Variants in PCDHA8 observed in about 807,000 individuals in gnomAD.
The protein encoded by PCDHA8 is protocadherin alpha 8, also known as protocadherin alpha-8.
In PCDHA8, 53 loss-of-function variants were observed where a neutral mutation model predicts 61.8. The ratio of observed to expected loss-of-function variants is 0.86; its 90% CI spans 0.69 to 1.08. The LOEUF (loss-of-function observed/expected upper bound fraction) is 1.08. Ranked by LOEUF, PCDHA8 falls within the 50% of genes least tolerant of loss-of-function variation. The probability of loss-of-function intolerance (pLI) is 0.00; values close to 1 mark genes in which losing one functional copy is unlikely to be tolerated. For missense variants in PCDHA8, 1,293 were observed against 1,245.0 expected, an observed-to-expected ratio of 1.04 and a Z score of -0.58; for synonymous variants, 618 against 556.6, an observed-to-expected ratio of 1.11 and a Z score of -1.55.
At chr5:140,975,849 A>G (rs1157741908) in intron 1 of PCDHA8, among the ~76,000 whole-genome samples, 1 of 152,208 alleles carries the variant, frequency 6.6e-6, no homozygotes, top group Non-Finnish European at 1.5e-5. Flanking sequence ...CAGTAATACT[A>G]CATCACCCAT....
rs1554144120 is a variant in PCDHA8, at chr5:140,850,272, A to G, written c.2394+6557A>G. 1.2e-5 allele frequency: 19 copies of G among 1,594,612 alleles called. 2 individuals carry two copies. The highest frequency in any genetic ancestry group is 7.7e-6 in the Non-Finnish European group (9 of 1,167,372). Reference sequence around the variant, plus strand: ...GGTGGGCGCCGGCGTAGTGGTGGGGAAGGTGCGCGCAGTGGACGCCGACTC... The same window carrying G: ...GGTGGGCGCCGGCGTAGTGGTGGGGGAGGTGCGCGCAGTGGACGCCGACTC... On this transcript the variant is annotated intron_variant, in intron 1 of 3. Transcript: ENST00000531613.
chr5:140,920,780 G>A lies in PCDHA8; in HGVS notation c.2395-58169G>A, dbSNP rs187594262. Among the ~76,000 whole-genome samples the A allele has an allele frequency of 7.9e-3, 1,202 of 151,454 alleles. 5 individuals carry two copies. Among genetic ancestry groups the A allele is most frequent in the African/African-American group, 0.019 (781 of 41,244 alleles). ...AATTGCTTACACCTGGGAGGTGGAG[G>A]TTGCAGGGAACCAAGATCACGCCAC... On this transcript the variant is annotated intron_variant, in intron 1 of 3. Transcript: ENST00000531613.
At chr5:140,875,264 C>CTACA in intron 1 of PCDHA8, 1 of 1,189,324 alleles carries the variant, frequency 8.4e-7, no homozygotes, top group Non-Finnish European at 1.1e-6. Context: ...TGATGTCGCT[C>CTACA]TACACTCAGA....
At chr5:140,953,546 T>G (rs2094902084) in intron 1 of PCDHA8, among the ~76,000 whole-genome samples, 1 of 152,136 alleles carries the variant, frequency 6.6e-6, no homozygotes, top group African/African-American at 2.4e-5. Context: ...ATGCTGATTC[T>G]TTTCTCCAAG....
chr5:140,855,092 T>A (rs2043336220), intron 1 of PCDHA8, among the ~76,000 whole-genome samples: 1 of 149,960 alleles, frequency 6.7e-6, no homozygotes, highest in Admixed American at 6.7e-5. Context: ...TCTCAGCCTG[T>A]GCAGTAGCAA....
chr5:140,894,675 A>G lies in PCDHA8; in HGVS notation c.2394+50960A>G, dbSNP rs78197412. Reference sequence around the variant, plus strand: ...CTAATTCTGATTTGTGTATTCTTGCATAGCTTTTCATTATTTTCTAAAAAT... The same window carrying G: ...CTAATTCTGATTTGTGTATTCTTGCGTAGCTTTTCATTATTTTCTAAAAAT... On this transcript the variant is annotated intron_variant, in intron 1 of 3. Coordinates refer to ENST00000531613, the MANE Select transcript of PCDHA8 (RefSeq NM_018911.3). 4.6e-3 allele frequency among the ~76,000 whole-genome samples: 702 copies of G among 151,998 alleles called. 3 individuals carry two copies. The highest frequency in any genetic ancestry group is 0.016 in the African/African-American group (679 of 41,480).
chr5:140,909,585 T>C (rs1554193854), intron 1 of PCDHA8, among the ~76,000 whole-genome samples: 1 of 152,180 alleles, frequency 6.6e-6, no homozygotes, highest in Non-Finnish European at 1.5e-5. Context: ...GATATGTTTT[T>C]TGATTTACTA....
intron 1 of PCDHA8, chr5:140,851,527 A>C (rs1335605014): frequency 2.2e-6 from 2 of 905,622 alleles, no homozygotes; most frequent in Middle Eastern, 5.6e-4. Context: ...AAAATGCCTG[A>C]CAATGTAGAT....
chr5:140,902,786 C>G (rs1450809375), intron 1 of PCDHA8, among the ~76,000 whole-genome samples: 1 of 151,906 alleles, frequency 6.6e-6, no homozygotes, highest in Non-Finnish European at 1.5e-5. Flanking sequence ...TAGCTTAGCT[C>G]TCACTTGTAT....
intron 1 of PCDHA8, among the ~76,000 whole-genome samples, chr5:140,918,569 G>T (rs374823656): frequency 3.9e-5 from 6 of 152,136 alleles, no homozygotes; most frequent in African/African-American, 1.4e-4. Context: ...TGTATATTAT[G>T]CTGCTATTGG....
In PCDHA8 at chr5:141,011,771, G is replaced by A. The variant is rs1327507093; in HGVS notation, c.*1834G>A. On this transcript the variant is annotated 3_prime_UTR_variant, in exon 4 of 4. Transcript: ENST00000531613. ...TCTGACCTCTTTGAAGTTGCAGAATGCTTTGAAATTCTAATGGTATCTGAA... is the reference window on the plus strand; with the variant it reads ...TCTGACCTCTTTGAAGTTGCAGAATACTTTGAAATTCTAATGGTATCTGAA... The A allele has an allele frequency of 1.3e-5, 2 of 153,698 alleles. No individual in the cohort carries two copies. The highest frequency in any genetic ancestry group is 4.8e-5 in the African/African-American group (2 of 41,424). The allele number at this position is 153,698 out of a possible 1,614,324, so 9.5% of individuals were successfully genotyped here.
intron 1 of PCDHA8, chr5:140,875,208 C>A: frequency 1.5e-6 from 1 of 668,546 alleles, no homozygotes; most frequent in Non-Finnish European, 2.2e-6. Flanking sequence ...GTGGCTAAAC[C>A]GAAAAGAACC....
chr5:140,954,920 G>A (rs1295412224), intron 1 of PCDHA8, among the ~76,000 whole-genome samples: 2 of 152,076 alleles, frequency 1.3e-5, no homozygotes, highest in East Asian at 3.9e-4. Context: ...TATGAATTAC[G>A]TCTTTAATTA....
At chr5:140,919,610 T>G (rs1173177727) in intron 1 of PCDHA8, among the ~76,000 whole-genome samples, 1 of 152,216 alleles carries the variant, frequency 6.6e-6, no homozygotes, top group Non-Finnish European at 1.5e-5. Flanking sequence ...AATTTTAAAC[T>G]GTATCTTTTG....
Position 140,922,465 on chromosome 5 carries a change from T to C in PCDHA8, c.2395-56484T>C, listed in dbSNP as rs116670359. ...CATTATCCTATTTGTCAACACAAAA[T>C]AGGAGAGAAGGCAGGACTAAATCTG... On this transcript the variant is annotated intron_variant, in intron 1 of 3. Transcript: ENST00000531613. Among the ~76,000 whole-genome samples the C allele has an allele frequency of 8.9e-3, 1,361 of 152,304 alleles. 16 individuals carry two copies. Among genetic ancestry groups the C allele is most frequent in the African/African-American group, 0.031 (1,303 of 41,562 alleles).
intron 3 of PCDHA8, among the ~76,000 whole-genome samples, chr5:140,994,812 A>G (rs565084284): frequency 6.6e-5 from 10 of 152,328 alleles, no homozygotes; most frequent in African/African-American, 2.2e-4. Flanking sequence ...CAAAATACAA[A>G]AAACTGAATT....
intron 1 of PCDHA8, among the ~76,000 whole-genome samples, chr5:140,941,214 C>CTTTCTTT (rs1554214039): frequency 0.058 from 7,135 of 122,220 alleles, 362 homozygotes; most frequent in South Asian, 0.079. Context: ...TTTCTTTCTT[C>CTTTCTTT]CTTTCTTTCT....
intron 3 of PCDHA8, among the ~76,000 whole-genome samples, chr5:141,007,362 G>A (rs1554261189): frequency 6.8e-6 from 1 of 146,590 alleles, no homozygotes; most frequent in Non-Finnish European, 1.5e-5. Context: ...ACCAGCCTGG[G>A]CAACATGATG....
At chr5:140,863,211 C>G in intron 1 of PCDHA8, 5 of 1,030,298 alleles carry the variant, frequency 4.9e-6, no homozygotes, top group Non-Finnish European at 7.2e-6. Context: ...CGGAGAGCAG[C>G]CAAGCGAGGA....
Sources: allele counts gnomAD v4.1 joint callset (sites outside exome capture counted in the v4.1 genomes callset), GRCh38; gene constraint gnomAD v4.1.1; transcripts MANE v1.5; gene names NCBI Gene and HGNC (gene_info 2026-07-23, HGNC 2026-07-21).